MBNL2: variants seen among roughly 807,000 people sequenced by gnomAD.
The protein encoded by MBNL2 is muscleblind-like protein 2.
MBNL2 carries 17 observed loss-of-function variants against 41.9 expected under a neutral mutation model. The observed-to-expected ratio is 0.41, with a 90% CI of 0.28 to 0.61. The LOEUF (loss-of-function observed/expected upper bound fraction) is 0.61, where lower values mean the gene tolerates loss of function less well. MBNL2 is among the 20% of genes least tolerant of loss of function. The pLI, the probability that MBNL2 is intolerant of heterozygous loss-of-function variation, is 0.35. For missense variants in MBNL2, 336 were observed against 505.6 expected, an observed-to-expected ratio of 0.66 and a Z score of 3.22; for synonymous variants, 195 against 182.9, an observed-to-expected ratio of 1.07 and a Z score of -0.53.
the MBNL2 span, among the ~76,000 whole-genome samples, chr13:97,144,446 T>G: frequency 9.0e-6 from 1 of 111,724 alleles, no homozygotes; most frequent in South Asian, 2.8e-4. Flanking sequence ...TTTTTTTTTT[T>G]GAGACAGAGT....
At chr13:97,224,434 C>T (rs2041280511) in intron 1 of MBNL2, among the ~76,000 whole-genome samples, 1 of 151,992 alleles carries the variant, frequency 6.6e-6, no homozygotes, top group Non-Finnish European at 1.5e-5. Context: ...TACAAAGGAA[C>T]CTTTTAAAAA....
chr13:97,310,901 T>A (rs1462053287), intron 2 of MBNL2, among the ~76,000 whole-genome samples: 1 of 151,928 alleles, frequency 6.6e-6, no homozygotes, highest in East Asian at 1.9e-4. Flanking sequence ...TAGCTCTGAG[T>A]TTCCTGGCAG....
chr13:97,151,282 A>C, the MBNL2 span, among the ~76,000 whole-genome samples: 1 of 152,166 alleles, frequency 6.6e-6, no homozygotes, highest in Admixed American at 6.5e-5. Context: ...ATGATTTAAA[A>C]GTATATTTAA....
At chr13:97,385,668 G>A (rs187345050) in intron 8 of MBNL2, among the ~76,000 whole-genome samples, 13 of 152,272 alleles carry the variant, frequency 8.5e-5, no homozygotes, top group Non-Finnish European at 1.2e-4. Flanking sequence ...AACACTTCTA[G>A]AAGTCACCTA....
the MBNL2 span, chr13:97,179,195 T>A: frequency 6.6e-6 from 1 of 152,234 alleles, no homozygotes; most frequent in Non-Finnish European, 1.5e-5. Flanking sequence ...TAGTGTTCAC[T>A]ACTCACTGCC....
At chr13:97,165,163 C>T in the MBNL2 span, among the ~76,000 whole-genome samples, 1 of 152,074 alleles carries the variant, frequency 6.6e-6, no homozygotes, top group African/African-American at 2.4e-5. Context: ...GAGATCATGC[C>T]ACTGCACTCC....
At chr13:97,259,744 A>C (rs1181711683) in intron 1 of MBNL2, among the ~76,000 whole-genome samples, 1 of 152,222 alleles carries the variant, frequency 6.6e-6, no homozygotes, top group Non-Finnish European at 1.5e-5. Flanking sequence ...TCTCTGTTTT[A>C]AAGCTAAGAA....
chr13:97,287,721 CTTTT>C lies in MBNL2; in HGVS notation c.174+11330_174+11333del, dbSNP rs768809008. ...TCTATTTTTTCTTTTCTTTTCTTTTCTTTTTTTTTTTTTTTTTTTTTGAGACAGA... is the reference window on the plus strand; with the variant it reads ...TCTATTTTTTCTTTTCTTTTCTTTTCTTTTTTTTTTTTTTTTTGAGACAGA... On this transcript the variant is annotated intron_variant, in intron 2 of 8. Transcript: ENST00000679496. Among the ~76,000 whole-genome samples the C allele has an allele frequency of 5.1e-3, 583 of 114,820 alleles. 1 individual carries two copies. The highest frequency in any genetic ancestry group is 0.022 in the African/African-American group (491 of 22,154). The allele number at this position is 114,820 out of a possible 152,430, so 75.3% of individuals were successfully genotyped here.
chr13:97,252,664 C>G (rs1449444208), intron 1 of MBNL2, among the ~76,000 whole-genome samples: 1 of 151,966 alleles, frequency 6.6e-6, no homozygotes, highest in African/African-American at 2.4e-5. Context: ...ATATATTCTA[C>G]TTGATTATTG....
In MBNL2 at chr13:97,319,470, G is replaced by A. The variant is rs578161921; in HGVS notation, c.175-14806G>A. ...AGAAGACTCCAGCTGAATAGAGCAG[G>A]CCTCTCCCCTGTCCTCCTCCCTACC... On this transcript the variant is annotated intron_variant, in intron 2 of 8. Coordinates refer to ENST00000679496, the MANE Select transcript of MBNL2 (RefSeq NM_001382683.1). Among the ~76,000 whole-genome samples the A allele has an allele frequency of 5.3e-5, 8 of 152,260 alleles. 1 individual carries two copies. In the South Asian group the frequency reaches 6.2e-4, roughly 12 times the overall value.
chr13:97,229,501 C>A (rs533077763), intron 1 of MBNL2, among the ~76,000 whole-genome samples: 1 of 151,860 alleles, frequency 6.6e-6, no homozygotes, highest in African/African-American at 2.4e-5. Context: ...CAGGGTTATG[C>A]AAGAATAATA....
At chr13:97,179,045 A>T in the MBNL2 span, among the ~76,000 whole-genome samples, 5 of 152,262 alleles carry the variant, frequency 3.3e-5, no homozygotes, top group Admixed American at 3.3e-4. Context: ...ACAAATAATC[A>T]AAGACCTGAT....
chr13:97,346,704 G>T lies in MBNL2; in HGVS notation c.541-100G>T. The stretch of plus-strand genomic sequence containing the variant: ...TGTCAGTGGTACATGAGCCACCATT[G>T]AAAGCGAGGCAGCCTCCGCTCCTCC... On this transcript the variant is annotated intron_variant, in intron 4 of 8. Coordinates refer to ENST00000679496, the MANE Select transcript of MBNL2 (RefSeq NM_001382683.1). This position sits in a 1 kb window ranked among gnomAD's most constrained non-coding sequence, Gnocchi z 4.2. 2 of 900,150 alleles carry T rather than the reference G, an allele frequency of 2.2e-6. No homozygotes were observed. Among genetic ancestry groups the T allele is most frequent in the East Asian group, 2.6e-5 (1 of 39,068 alleles). 55.8% of individuals were successfully genotyped at this position (900,150 alleles called of 1,614,324 possible). A position where few individuals can be genotyped will look rare whatever the true frequency, so the allele number is the denominator to read the frequency against.
intron 2 of MBNL2, among the ~76,000 whole-genome samples, chr13:97,329,955 C>T (rs566723001): frequency 2.0e-5 from 3 of 152,220 alleles, no homozygotes; most frequent in South Asian, 4.1e-4. Flanking sequence ...CAATTCTGAC[C>T]CTCTCCCACC....
the MBNL2 span, among the ~76,000 whole-genome samples, chr13:97,169,275 G>A: frequency 2.6e-5 from 4 of 152,168 alleles, no homozygotes; most frequent in African/African-American, 9.7e-5. Context: ...ATGAAACGAA[G>A]GGGCTAATCA....
chr13:97,374,484 C>G (rs1476465931), intron 8 of MBNL2, among the ~76,000 whole-genome samples: 3 of 151,244 alleles, frequency 2.0e-5, no homozygotes, highest in Non-Finnish European at 2.9e-5. Context: ...ACCTGCGCCT[C>G]CCAGGTTCAA....
chr13:97,291,284 C>T (rs1459555669), intron 2 of MBNL2, among the ~76,000 whole-genome samples: 6 of 151,934 alleles, frequency 3.9e-5, no homozygotes, highest in Non-Finnish European at 7.4e-5. Flanking sequence ...CTCTGTTGCC[C>T]AGGCTGGAGT....
At chr13:97,300,003 T>C (rs2057459491) in intron 2 of MBNL2, among the ~76,000 whole-genome samples, 1 of 152,182 alleles carries the variant, frequency 6.6e-6, no homozygotes, top group African/African-American at 2.4e-5. Context: ...TCCTTCCATA[T>C]TGTGGTAGTT....
At chr13:97,251,780 A>G (rs1423468240) in intron 1 of MBNL2, among the ~76,000 whole-genome samples, 3 of 151,560 alleles carry the variant, frequency 2.0e-5, no homozygotes, top group Non-Finnish European at 4.4e-5. Flanking sequence ...TACTTACTGA[A>G]GAATAAGGCA....
Sources: gnomAD v4.1 joint callset for allele counts (sites outside exome capture counted in the v4.1 genomes callset) on GRCh38, gnomAD v4.1.1 for gene constraint, Gnocchi (gnomAD v3.1) non-coding constraint, MANE v1.5 for transcripts, NCBI Gene and HGNC (gene_info 2026-07-23, HGNC 2026-07-21) for gene names.